CDC42BPA: variants seen among roughly 807,000 people sequenced by gnomAD.
The protein encoded by CDC42BPA is serine/threonine-protein kinase MRCK alpha.
Under a neutral mutation model 223.5 loss-of-function variants are expected in CDC42BPA, and 80 were observed. The observed-to-expected ratio is 0.36, with a 90% CI of 0.30 to 0.43. The LOEUF (loss-of-function observed/expected upper bound fraction) is 0.43, where lower values mean the gene tolerates loss of function less well. CDC42BPA is among the 20% of genes least tolerant of loss of function. The probability of loss-of-function intolerance (pLI) is 1.00; values close to 1 mark genes in which losing one functional copy is unlikely to be tolerated. For synonymous variants in CDC42BPA, 694 were observed against 718.6 expected, an observed-to-expected ratio of 0.97 and a Z score of 0.55; for missense variants, 1,743 against 2,099.9, an observed-to-expected ratio of 0.83 and a Z score of 3.32.
chr1:227,254,975 A>G (rs1682798061), intron 1 of CDC42BPA, among the ~76,000 whole-genome samples: 1 of 152,188 alleles, frequency 6.6e-6, no homozygotes, highest in African/African-American at 2.4e-5. Flanking sequence ...TAAATAATCC[A>G]TGGTAAAGAA....
intron 12 of CDC42BPA, among the ~76,000 whole-genome samples, chr1:227,115,229 C>A (rs900679297): frequency 9.9e-5 from 15 of 151,916 alleles, no homozygotes; most frequent in Non-Finnish European, 2.1e-4. Context: ...ATAGTAGAAA[C>A]ACATCCATAT....
chr1:227,146,480 G>A (rs1470283418), intron 7 of CDC42BPA, among the ~76,000 whole-genome samples: 1 of 151,994 alleles, frequency 6.6e-6, no homozygotes, highest in Non-Finnish European at 1.5e-5. Context: ...TTTTATACAT[G>A]TAAAGCAACT....
At chr1:227,123,452 T>C (rs1343848923) in intron 11 of CDC42BPA, among the ~76,000 whole-genome samples, 4 of 152,212 alleles carry the variant, frequency 2.6e-5, no homozygotes, top group Non-Finnish European at 5.9e-5. Flanking sequence ...TTCTTGGCAC[T>C]GTATGGCATG....
intron 5 of CDC42BPA, among the ~76,000 whole-genome samples, chr1:227,160,918 C>T (rs1663765373): frequency 1.3e-5 from 2 of 152,098 alleles, no homozygotes. Flanking sequence ...ACACAGATTC[C>T]AATGTGACTA....
chr1:227,161,898 T>G (rs910842214), intron 5 of CDC42BPA, among the ~76,000 whole-genome samples: 2 of 152,208 alleles, frequency 1.3e-5, no homozygotes, highest in Non-Finnish European at 2.9e-5. Context: ...ACAATCTGTA[T>G]AGGGTATTAG....
At chr1:227,316,196 G>A (rs1694357988) in intron 1 of CDC42BPA, among the ~76,000 whole-genome samples, 1 of 152,144 alleles carries the variant, frequency 6.6e-6, no homozygotes, top group Non-Finnish European at 1.5e-5. Flanking sequence ...CTGGACCTTA[G>A]AATGTGCCCT....
chr1:227,024,872 G>C (rs572164190), intron 31 of CDC42BPA, among the ~76,000 whole-genome samples: 1 of 152,296 alleles, frequency 6.6e-6, no homozygotes, highest in Non-Finnish European at 1.5e-5. Flanking sequence ...GTAGGTTCAT[G>C]AGTGATCAGT....
intron 2 of CDC42BPA, among the ~76,000 whole-genome samples, chr1:227,214,808 T>C (rs1674542054): frequency 6.6e-6 from 1 of 152,160 alleles, no homozygotes; most frequent in African/African-American, 2.4e-5. Context: ...ATGTATCTGA[T>C]GATAACTACT....
At chr1:227,291,007 G>GTT (rs1689598861) in intron 1 of CDC42BPA, among the ~76,000 whole-genome samples, 1 of 152,118 alleles carries the variant, frequency 6.6e-6, no homozygotes, top group Non-Finnish European at 1.5e-5. Context: ...TCCTAACTTT[G>GTT]TTAAGATCAC....
intron 6 of CDC42BPA, among the ~76,000 whole-genome samples, chr1:227,154,569 G>A (rs1000848323): frequency 3.3e-5 from 5 of 151,922 alleles, no homozygotes; most frequent in Non-Finnish European, 5.9e-5. Context: ...TCCTAAAGAA[G>A]AGCAACACAC....
intron 2 of CDC42BPA, among the ~76,000 whole-genome samples, chr1:227,218,551 T>C (rs1463245851): frequency 6.6e-6 from 1 of 152,200 alleles, no homozygotes; most frequent in Non-Finnish European, 1.5e-5. Context: ...TAAACTAATG[T>C]TTGGAGAAGT....
chr1:227,112,036 G>T (rs1417469039), intron 14 of CDC42BPA: 1 of 260,342 alleles, frequency 3.8e-6, no homozygotes, highest in Non-Finnish European at 7.2e-6. Flanking sequence ...TGACTCCCAT[G>T]CAGATTACCA....
At chr1:227,069,721 T>C in intron 21 of CDC42BPA, 56 bp downstream of exon 21, 1 of 1,270,670 alleles carries the variant, frequency 7.9e-7, no homozygotes, top group South Asian at 1.2e-5. Context: ...GAACTTTAAA[T>C]TACAAAGTGA....
At chr1:227,306,627 A>T (rs559453825) in intron 1 of CDC42BPA, among the ~76,000 whole-genome samples, 1 of 152,232 alleles carries the variant, frequency 6.6e-6, no homozygotes, top group Non-Finnish European at 1.5e-5. Flanking sequence ...GAGAATCTCT[A>T]TAAGTAGAGA....
intron 15 of CDC42BPA, among the ~76,000 whole-genome samples, chr1:227,100,682 C>T (rs34708504): frequency 0.2 from 30,818 of 151,144 alleles, 3,245 homozygotes; most frequent in Middle Eastern, 0.26. Flanking sequence ...AGTAAGCCTC[C>T]TTCCTCAGCC....
chr1:227,047,837 AAAT>A (rs1285811355), intron 23 of CDC42BPA, 87 bp downstream of exon 23: 3 of 667,226 alleles, frequency 4.5e-6, no homozygotes, highest in Admixed American at 5.3e-5. Flanking sequence ...AAATTTGAAG[AAAT>A]AATATCAAAA....
At position 227,188,876 on chromosome 1, in the gene CDC42BPA, A is replaced by T. The variant is rs1669259528; in HGVS notation, c.599+4910T>A. On this transcript the variant is annotated intron_variant, in intron 5 of 36. Coordinates refer to ENST00000366766, the MANE Select transcript of CDC42BPA (RefSeq NM_001394014.1). The stretch of plus-strand genomic sequence containing the variant: ...TGGACTTAGGTGATAATGAAGGGTC[A>T]TTGATGTTAACAAATGTGCCACACT... Among the ~76,000 whole-genome samples, 6 of 152,252 alleles carry T rather than the reference A, an allele frequency of 3.9e-5. No individual in the cohort carries two copies. In the South Asian group the frequency reaches 1.2e-3, roughly 32 times the overall value.
chr1:226,994,679 T>C lies in CDC42BPA; in HGVS notation c.5133+144A>G, dbSNP rs1661234578. 27 of 884,854 alleles carry C rather than the reference T, an allele frequency of 3.1e-5. No homozygotes were observed. Among genetic ancestry groups the C allele is most frequent in the South Asian group, 1.7e-5 (1 of 58,452 alleles). 54.8% of individuals were successfully genotyped at this position (884,854 alleles called of 1,614,324 possible). A position where few individuals can be genotyped will look rare whatever the true frequency, so the allele number is the denominator to read the frequency against. ...CAGTTTGCAGCCCGAGTGACTGGCC[T>C]AGCTGCCCGCTGGCCAAGAGTGAAT... On this transcript the variant is annotated intron_variant, in intron 36 of 36. Coordinates refer to ENST00000366766, the MANE Select transcript of CDC42BPA (RefSeq NM_001394014.1). This position sits in a 1 kb window ranked among gnomAD's most constrained non-coding sequence, Gnocchi z 4.0.
At chr1:227,215,277 T>TG (rs1180494175) in intron 2 of CDC42BPA, among the ~76,000 whole-genome samples, 1 of 152,188 alleles carries the variant, frequency 6.6e-6, no homozygotes, top group African/African-American at 2.4e-5. Context: ...GTGGCTGTTT[T>TG]GGGGAGTGGT....
Sources: allele counts gnomAD v4.1 joint callset (sites outside exome capture counted in the v4.1 genomes callset), GRCh38; gene constraint gnomAD v4.1.1; non-coding constraint Gnocchi (gnomAD v3.1); transcripts MANE v1.5; gene names NCBI Gene and HGNC (gene_info 2026-07-23, HGNC 2026-07-21).